GPHN: variants seen among roughly 807,000 people sequenced by gnomAD.
The protein encoded by GPHN is gephyrin.
In GPHN, 17 loss-of-function variants were observed where a neutral mutation model predicts 95.5. The observed-to-expected ratio is 0.18, with a 90% CI of 0.12 to 0.27. The LOEUF (loss-of-function observed/expected upper bound fraction) is 0.27, where lower values mean the gene tolerates loss of function less well. Among genes scored for constraint, GPHN ranks in the 10% least tolerant of loss-of-function variants. The pLI is 1.00. For missense variants in GPHN, 660 were observed against 978.1 expected, an observed-to-expected ratio of 0.67 and a Z score of 4.34; for synonymous variants, 320 against 322.5, an observed-to-expected ratio of 0.99 and a Z score of 0.08.
intron 2 of GPHN, chr14:66,760,659 A>G (rs1408587829): frequency 2.4e-6 from 1 of 421,344 alleles, no homozygotes; most frequent in Non-Finnish European, 4.5e-6. Context: ...GTTAAAAAGA[A>G]GCATAATCCT....
chr14:66,789,824 A>C (rs2059909677), intron 3 of GPHN, among the ~76,000 whole-genome samples: 1 of 152,214 alleles, frequency 6.6e-6, no homozygotes, highest in Non-Finnish European at 1.5e-5. Flanking sequence ...CCAAACGTGC[A>C]GAGAGCTGAG....
the GPHN span, among the ~76,000 whole-genome samples, chr14:67,280,792 TTTCCTTCCTTCC>T: frequency 0.01 from 805 of 77,622 alleles, 7 homozygotes; most frequent in Middle Eastern, 0.025. Context: ...TCTGGAGCAG[TTTCCTTCCTTCC>T]TTCCTTCCTT....
At chr14:66,578,135 C>T (rs1230259502) in intron 1 of GPHN, among the ~76,000 whole-genome samples, 1 of 151,712 alleles carries the variant, frequency 6.6e-6, no homozygotes, top group Non-Finnish European at 1.5e-5. Flanking sequence ...TTTTAATCAA[C>T]TCAGTTTTTA....
chr14:66,584,844 AT>A (rs2061354273), intron 1 of GPHN, among the ~76,000 whole-genome samples: 2 of 152,192 alleles, frequency 1.3e-5, no homozygotes, highest in African/African-American at 4.8e-5. Flanking sequence ...TTGGTCTGAA[AT>A]TCTCTTTTTT....
At chr14:67,522,088 G>A in the GPHN span, among the ~76,000 whole-genome samples, 2 of 152,152 alleles carry the variant, frequency 1.3e-5, no homozygotes, top group African/African-American at 2.4e-5. Context: ...CAGGAGAATC[G>A]CTTGAACCCG....
the GPHN span, among the ~76,000 whole-genome samples, chr14:67,475,701 A>G: frequency 6.6e-6 from 1 of 152,200 alleles, no homozygotes; most frequent in Non-Finnish European, 1.5e-5. Flanking sequence ...GACACAGGAA[A>G]GAGTCCTCCC....
At chr14:67,361,992 CT>C in the GPHN span, among the ~76,000 whole-genome samples, 1 of 148,066 alleles carries the variant, frequency 6.8e-6, no homozygotes, top group Non-Finnish European at 1.5e-5. Flanking sequence ...TACTTAATTA[CT>C]TAGGTAAGAG....
the GPHN span, among the ~76,000 whole-genome samples, chr14:67,432,568 C>G: frequency 1.3e-5 from 2 of 152,222 alleles, no homozygotes; most frequent in Non-Finnish European, 1.5e-5. Flanking sequence ...TAAAAGTCAG[C>G]AGCGGGCAAG....
At chr14:67,029,180 T>C (rs2074064990) in intron 10 of GPHN, among the ~76,000 whole-genome samples, 2 of 152,182 alleles carry the variant, frequency 1.3e-5, no homozygotes, top group African/African-American at 4.8e-5. Context: ...TTCCCTATTC[T>C]GTTTCATTGA....
chr14:66,723,986 TACACACACACACAC>T (rs371629259), intron 2 of GPHN, among the ~76,000 whole-genome samples: 26 of 127,858 alleles, frequency 2.0e-4, no homozygotes, highest in Non-Finnish European at 2.9e-4. Context: ...CATGCATACA[TACACACACACACAC>T]ACACACACAC....
the GPHN span, chr14:67,586,867 G>A: frequency 9.2e-6 from 14 of 1,516,382 alleles, no homozygotes; most frequent in African/African-American, 1.4e-4. Flanking sequence ...GTGCATCTGA[G>A]AGGATCTCCA....
intron 5 of GPHN, among the ~76,000 whole-genome samples, chr14:66,906,782 C>T (rs1470240271): frequency 1.3e-5 from 2 of 152,074 alleles, no homozygotes; most frequent in African/African-American, 2.4e-5. Context: ...TAGGAATTTT[C>T]CTGTTATCTT....
the GPHN span, among the ~76,000 whole-genome samples, chr14:67,654,217 C>G: frequency 2.6e-5 from 4 of 152,188 alleles, no homozygotes; most frequent in Non-Finnish European, 5.9e-5. Context: ...AGCAATAACC[C>G]CACATGTCCC....
chr14:67,700,844 A>G, the GPHN span, among the ~76,000 whole-genome samples: 1 of 151,760 alleles, frequency 6.6e-6, no homozygotes, highest in South Asian at 2.1e-4. Context: ...GGCTAGAATG[A>G]TGAAACTCTG....
chr14:67,234,762 C>T, the GPHN span, among the ~76,000 whole-genome samples: 2 of 147,874 alleles, frequency 1.4e-5, no homozygotes, highest in African/African-American at 2.5e-5. Flanking sequence ...GTTGGCCAGG[C>T]TGGTCTCGAA....
Position 66,516,991 on chromosome 14 carries a change from A to G in GPHN, c.64+8400A>G, listed in dbSNP as rs543885910. ...CTAAAAATATGAAAATTAGGCAGGC[A>G]TGGTGGTGTGTGCCTGTAATCCCAG... On this transcript the variant is annotated intron_variant, in intron 1 of 22. Transcript: ENST00000478722. Among the ~76,000 whole-genome samples the G allele has an allele frequency of 9.2e-5, 14 of 152,038 alleles. No individual in the cohort carries two copies. The East Asian group carries it at 2.7e-3, about 29-fold the overall frequency.
At chr14:66,623,589 G>T (rs1348078679) in intron 1 of GPHN, among the ~76,000 whole-genome samples, 3 of 145,718 alleles carry the variant, frequency 2.1e-5, no homozygotes, top group Non-Finnish European at 3.0e-5. Context: ...CTGTGCTCCA[G>T]CCTGTGTGTT....
chr14:67,178,682 G>A (rs1370304688), intron 21 of GPHN, among the ~76,000 whole-genome samples: 1 of 152,108 alleles, frequency 6.6e-6, no homozygotes, highest in Non-Finnish European at 1.5e-5. Flanking sequence ...AATACTAGCT[G>A]AAAAACTTCC....
At chr14:67,285,366 ATTTT>A in the GPHN span, among the ~76,000 whole-genome samples, 1 of 137,850 alleles carries the variant, frequency 7.3e-6, no homozygotes, top group African/African-American at 2.7e-5. Flanking sequence ...CCTTAGGTAA[ATTTT>A]TTTTTTTTTT....
Sources: gnomAD v4.1 joint callset for allele counts (sites outside exome capture counted in the v4.1 genomes callset) on GRCh38, gnomAD v4.1.1 for gene constraint, MANE v1.5 for transcripts, NCBI Gene and HGNC (gene_info 2026-07-23, HGNC 2026-07-21) for gene names.